USP47: variants seen among roughly 807,000 people sequenced by gnomAD.
The protein encoded by USP47 is ubiquitin specific peptidase 47.
Under a neutral mutation model 165.1 loss-of-function variants are expected in USP47, and 35 were observed. The observed-to-expected ratio is 0.21, with a 90% confidence interval of 0.16 to 0.28. The LOEUF is 0.28. Among genes scored for constraint, USP47 ranks in the 10% least tolerant of loss-of-function variants. The probability of loss-of-function intolerance (pLI) is 1.00; values close to 1 mark genes in which losing one functional copy is unlikely to be tolerated. For synonymous variants in USP47, 531 were observed against 544.5 expected (o/e 0.98, Z 0.35); for missense variants, 1,277 against 1,607.4 (o/e 0.79, Z 3.52).
At chr11:11,846,781 A>G (rs138534289) in intron 1 of USP47, among the ~76,000 whole-genome samples, 10 of 152,294 alleles carry the variant, frequency 6.6e-5, no homozygotes, top group African/African-American at 1.9e-4. Context: ...CTATTATGGA[A>G]CATGTCAAAT....
At chr11:11,919,119 A>T (rs986923081) in intron 8 of USP47, among the ~76,000 whole-genome samples, 1 of 151,772 alleles carries the variant, frequency 6.6e-6, no homozygotes, top group Admixed American at 6.6e-5. Context: ...TTGAATATCT[A>T]TGTCTTTTCT....
chr11:11,852,972 A>G (rs1482645913), intron 1 of USP47, among the ~76,000 whole-genome samples: 2 of 152,174 alleles, frequency 1.3e-5, no homozygotes, highest in African/African-American at 2.4e-5. Context: ...GGAGTTTTAA[A>G]TGGGTGGACT....
At chr11:11,849,076 G>T (rs1451365982) in intron 1 of USP47, among the ~76,000 whole-genome samples, 1 of 151,668 alleles carries the variant, frequency 6.6e-6, no homozygotes, top group Non-Finnish European at 1.5e-5. Flanking sequence ...GGATACATCC[G>T]CATTTCATAG....
At chr11:11,898,456 G>T (rs1307987773) in intron 5 of USP47, among the ~76,000 whole-genome samples, 1 of 151,482 alleles carries the variant, frequency 6.6e-6, no homozygotes, top group African/African-American at 2.4e-5. Flanking sequence ...ATTGCTGATT[G>T]TGTTACTCAA....
chr11:11,942,693 C>G lies in USP47; in HGVS notation c.2672C>G (p.Pro891Arg). The change falls in exon 20 of 28, where the codon CCT becomes CGT. Residue 891 changes from proline (P) to arginine (R), a missense_variant. Around this residue, in one of 4 missense-constraint regions of USP47, gnomAD observed 909 missense variants for 1,068.1 expected, o/e 0.85. Transcript: ENST00000527733. ...ETSDFENIES[P>R]LNERDSSASV... ...AGTGACTTTGAAAACATCGAATCACCTCTCAATGAGAGGGACTCTTCAGCA... is the reference window on the plus strand; with the variant it reads ...AGTGACTTTGAAAACATCGAATCACGTCTCAATGAGAGGGACTCTTCAGCA... 6.2e-7 allele frequency: 1 copy of G among 1,613,554 alleles called. No individual in the cohort carries two copies.
intron 1 of USP47, among the ~76,000 whole-genome samples, chr11:11,866,649 T>C (rs912049200): frequency 6.6e-6 from 1 of 152,160 alleles, no homozygotes; most frequent in African/African-American, 2.4e-5. Context: ...CTATAATACA[T>C]TTTTTAAGGA....
At chr11:11,907,692 A>G (rs893658060) in intron 8 of USP47, among the ~76,000 whole-genome samples, 1 of 152,200 alleles carries the variant, frequency 6.6e-6, no homozygotes, top group Admixed American at 6.5e-5. Context: ...GTACCATAAA[A>G]TCACTCATTG....
intron 8 of USP47, among the ~76,000 whole-genome samples, chr11:11,915,774 A>G (rs1853370584): frequency 6.6e-6 from 1 of 152,214 alleles, no homozygotes; most frequent in African/African-American, 2.4e-5. Context: ...ACAGTTGAAT[A>G]TATTTTTAAG....
chr11:11,959,341 T>G lies in USP47; in HGVS notation c.*3166T>G, dbSNP rs768860386. ...TCCATCTTAACAATTCTGTGTAATT[T>G]TTGAAAAACATCAACATTTTGGTCA... On this transcript the variant is annotated 3_prime_UTR_variant, in exon 28 of 28. Transcript: ENST00000527733. The G allele has an allele frequency of 1.3e-5, 2 of 152,210 alleles. No homozygotes were observed. The highest frequency in any genetic ancestry group is 2.4e-5 in the African/African-American group (1 of 41,466). The allele number at this position is 152,210 out of a possible 1,614,324, so 9.4% of individuals were successfully genotyped here.
intron 4 of USP47, among the ~76,000 whole-genome samples, chr11:11,896,943 A>G (rs557532240): frequency 3.9e-5 from 6 of 152,032 alleles, no homozygotes; most frequent in Non-Finnish European, 7.4e-5. Flanking sequence ...TTGGAATCCT[A>G]TAAGTACAGA....
At chr11:11,891,319 T>C (rs1851498752) in intron 3 of USP47, among the ~76,000 whole-genome samples, 1 of 152,232 alleles carries the variant, frequency 6.6e-6, no homozygotes, top group Non-Finnish European at 1.5e-5. Flanking sequence ...TAGAAGTTTA[T>C]TGTGATTAAC....
chr11:11,922,340 T>C (rs1194222386), intron 10 of USP47, among the ~76,000 whole-genome samples: 1 of 151,978 alleles, frequency 6.6e-6, no homozygotes, highest in Non-Finnish European at 1.5e-5. Context: ...GAAAAGAAAT[T>C]ATATTCTTTC....
intron 1 of USP47, among the ~76,000 whole-genome samples, chr11:11,857,729 T>C (rs1849133468): frequency 6.6e-6 from 1 of 152,190 alleles, no homozygotes; most frequent in Non-Finnish European, 1.5e-5. Context: ...ACCCCTACCT[T>C]TTCTGCGTGG....
chr11:11,907,699 A>G (rs1467437065), intron 8 of USP47, among the ~76,000 whole-genome samples: 3 of 152,192 alleles, frequency 2.0e-5, no homozygotes, highest in African/African-American at 7.2e-5. Flanking sequence ...AAAATCACTC[A>G]TTGAGATTAT....
chr11:11,930,785 G>A, intron 14 of USP47, 34 bp downstream of exon 14: 2 of 1,556,004 alleles, frequency 1.3e-6, no homozygotes, highest in Non-Finnish European at 1.7e-6. Context: ...ATTTTAATTT[G>A]TGTTATAAAC....
intron 18 of USP47, among the ~76,000 whole-genome samples, chr11:11,939,267 T>G (rs1855303090): frequency 6.6e-6 from 1 of 152,010 alleles, no homozygotes; most frequent in Admixed American, 6.6e-5. Flanking sequence ...TATTCCCTGG[T>G]GTAGTGGAAA....
At chr11:11,848,182 A>G (rs549930855) in intron 1 of USP47, among the ~76,000 whole-genome samples, 2 of 152,344 alleles carry the variant, frequency 1.3e-5, no homozygotes, top group South Asian at 2.1e-4. Flanking sequence ...CTGCAGAACT[A>G]TAGTCACTTG....
chr11:11,911,133 G>T (rs896978464), intron 8 of USP47, among the ~76,000 whole-genome samples: 1 of 152,100 alleles, frequency 6.6e-6, no homozygotes, highest in African/African-American at 2.4e-5. Context: ...ACAGTAGGTC[G>T]AATCTGTGAA....
At chr11:11,945,198 G>A (rs1170030308) in intron 20 of USP47, among the ~76,000 whole-genome samples, 1 of 152,118 alleles carries the variant, frequency 6.6e-6, no homozygotes, top group Non-Finnish European at 1.5e-5. Context: ...TGGAGATAGG[G>A]GAGTAGGGAT....
Sources: allele counts gnomAD v4.1 joint callset (sites outside exome capture counted in the v4.1 genomes callset), GRCh38; gene constraint gnomAD v4.1.1; regional missense constraint gnomAD v4.1.1; transcripts MANE v1.5; gene names NCBI Gene and HGNC (gene_info 2026-07-23, HGNC 2026-07-21).